Variants in FCRL4 observed in about 807,000 individuals in gnomAD.
FCRL4 encodes Fc receptor like 4, also known as Fc receptor-like protein 4.
FCRL4 carries 43 observed loss-of-function variants against 64.1 expected under a neutral mutation model. That is an observed-to-expected ratio of 0.67 (90% CI 0.53 to 0.87). The LOEUF (loss-of-function observed/expected upper bound fraction) is 0.87. Ranked by LOEUF, FCRL4 falls within the 40% of genes least tolerant of loss-of-function variation. FCRL4 has a pLI of 0.00. For missense variants in FCRL4, 656 were observed against 613.5 expected (o/e 1.07, Z -0.73); for synonymous variants, 253 against 239.8 (o/e 1.05, Z -0.51).
chr1:157,585,993 T>C (rs1384209774), intron 6 of FCRL4, among the ~76,000 whole-genome samples, 175 bp downstream of exon 6: 1 of 152,184 alleles, frequency 6.6e-6, no homozygotes, highest in East Asian at 1.9e-4. Context: ...CTACAGGACC[T>C]TACTCTGACC....
Position 157,598,050 on chromosome 1 carries a change from T to C in FCRL4, c.-106A>G. On this transcript the variant is annotated 5_prime_UTR_variant, in exon 1 of 12. Coordinates refer to ENST00000271532, the MANE Select transcript of FCRL4 (RefSeq NM_031282.3). ...ACACCAGCACCAGCAGTGAGCTCAGTAAGCTTCTTCTCTGCATAAAGCTGA... is the reference window on the plus strand; with the variant it reads ...ACACCAGCACCAGCAGTGAGCTCAGCAAGCTTCTTCTCTGCATAAAGCTGA... 1.3e-6 allele frequency: 1 copy of C among 780,218 alleles called. No homozygotes were observed. The highest frequency in any genetic ancestry group is 2.3e-6 in the Non-Finnish European group (1 of 442,802). The allele number at this position is 780,218 out of a possible 1,614,324, so 48.3% of individuals were successfully genotyped here.
chr1:157,597,882 C>T, intron 1 of FCRL4, 32 bp downstream of exon 1: 1 of 1,604,302 alleles, frequency 6.2e-7, no homozygotes, highest in South Asian at 1.1e-5. Context: ...CTCAGCTTTG[C>T]AGCAAGCAAA....
Position 157,595,476 on chromosome 1 carries a change from G to C in FCRL4, c.52+852C>G, listed in dbSNP as rs540447175. Among the ~76,000 whole-genome samples the C allele has an allele frequency of 7.2e-5, 11 of 152,374 alleles. No homozygotes were observed. In the East Asian group the frequency reaches 2.1e-3, roughly 29 times the overall value. On this transcript the variant is annotated intron_variant, in intron 2 of 11. Coordinates refer to ENST00000271532, the MANE Select transcript of FCRL4 (RefSeq NM_031282.3). ...TATGTGCAGGTGGCCCTATGGCCAG[G>C]AAGGGACATAACTTTTCATGGCCTT...
At chr1:157,582,560 G>A (rs1652585734) in intron 6 of FCRL4, among the ~76,000 whole-genome samples, 1 of 152,148 alleles carries the variant, frequency 6.6e-6, no homozygotes, top group Non-Finnish European at 1.5e-5. Context: ...TCAGACACAG[G>A]TACCACAGAA....
At position 157,574,627 on chromosome 1, in the gene FCRL4, G is replaced by A; in HGVS notation, c.*897C>T. On this transcript the variant is annotated 3_prime_UTR_variant, in exon 12 of 12. Coordinates refer to ENST00000271532, the MANE Select transcript of FCRL4 (RefSeq NM_031282.3). ...AGAAAAGCAACCTTATTTCCTTTGA[G>A]AAGGGAATGGTATTTAGAGAATAAA... 1 of 208,730 alleles carries A rather than the reference G, an allele frequency of 4.8e-6. No homozygotes were observed. The highest frequency in any genetic ancestry group is 9.7e-6 in the Non-Finnish European group (1 of 102,596). 12.9% of individuals were successfully genotyped at this position (208,730 alleles called of 1,614,324 possible).
chr1:157,586,504 G>T (rs1242103240), intron 5 of FCRL4, 49 bp from the exon 6 acceptor site: 23 of 1,538,942 alleles, frequency 1.5e-5, no homozygotes, highest in Non-Finnish European at 1.9e-5. Flanking sequence ...AAGGAGGGCA[G>T]GGCTAGGTAG....
chr1:157,579,918 G>A (rs1260598714), intron 8 of FCRL4, among the ~76,000 whole-genome samples: 1 of 151,326 alleles, frequency 6.6e-6, no homozygotes, highest in African/African-American at 2.5e-5. Flanking sequence ...ATGCGTGTAT[G>A]GTGCAAAAAG....
At position 157,581,455 on chromosome 1, in the gene FCRL4, G is replaced by A. The variant is rs888529485; in HGVS notation, c.1249+76C>T. On this transcript the variant is annotated intron_variant, in intron 7 of 11. Coordinates refer to ENST00000271532, the MANE Select transcript of FCRL4 (RefSeq NM_031282.3). ...GAGACTTGGGAGTGGTGGCCTGGTG[G>A]CCACTAAGGCTGTCTGCATGCTGAG... The A allele has an allele frequency of 8.0e-5, 95 of 1,190,260 alleles. 1 individual carries two copies. In the Middle Eastern group the frequency reaches 3.7e-3, roughly 46 times the overall value. The allele number at this position is 1,190,260 out of a possible 1,614,324, so 73.7% of individuals were successfully genotyped here.
rs2101684562 is a variant in FCRL4 at position 157,589,356 on chromosome 1, G to A, written c.155C>T (p.Thr52Ile). Residue 52 changes from threonine (T) to isoleucine (I), a missense_variant, in exon 3 of 12, where the codon ACA becomes ATA. Thr to Ile is a moderately conservative substitution (Grantham distance 89). Transcript: ENST00000271532. ...LTCNGFQFYA[T>I]EKTTWYHRHY... is the part of the protein sequence containing the mutation. ...CCGATGATACCATGTTGTTTTCTCTGTTGCATAGAACTGAAATCCATTGCA... is the reference window on the plus strand; with the variant it reads ...CCGATGATACCATGTTGTTTTCTCTATTGCATAGAACTGAAATCCATTGCA... The A allele has an allele frequency of 6.2e-7, 1 of 1,614,146 alleles. No homozygotes were observed. Among genetic ancestry groups the A allele is most frequent in the Non-Finnish European group, 8.5e-7 (1 of 1,180,012 alleles).
chr1:157,584,986 G>A (rs1034337022), intron 6 of FCRL4, among the ~76,000 whole-genome samples: 1 of 152,184 alleles, frequency 6.6e-6, no homozygotes, highest in African/African-American at 2.4e-5. Context: ...TCAAGAAGGA[G>A]GGAGGGATCA....
chr1:157,589,244 G>C lies in FCRL4; in HGVS notation c.267C>G (p.Gly89=). 6.2e-7 allele frequency: 1 copy of C among 1,614,192 alleles called. No individual in the cohort carries two copies. The highest frequency in any genetic ancestry group is 2.2e-5 in the East Asian group (1 of 44,882). ...AGCGCACAGGGTTACTTCGTGGGGA[G>C]CCCCGGGCCTGGCATCTGTACAGTC... ...ESGLYRCQAR[G]SPRSNPVRLL... is the part of the protein sequence containing the mutation. Residue 89 remains glycine, a synonymous_variant, in exon 3 of 12, where the codon GGC becomes GGG. Transcript: ENST00000271532.
chr1:157,586,499 G>A, intron 5 of FCRL4, 44 bp from the exon 6 acceptor site: 2 of 1,559,272 alleles, frequency 1.3e-6, no homozygotes, highest in Non-Finnish European at 1.7e-6. Flanking sequence ...GTGTGAAGGA[G>A]GGCAGGGCTA....
chr1:157,577,862 A>T (rs934352982), intron 10 of FCRL4, among the ~76,000 whole-genome samples: 7 of 152,182 alleles, frequency 4.6e-5, no homozygotes, highest in African/African-American at 1.4e-4. Flanking sequence ...GGACCATCTG[A>T]TGTAGAGTCC....
rs61369206 is a variant in FCRL4, at chr1:157,581,385, C to G, written c.1249+146G>C. On this transcript the variant is annotated intron_variant, in intron 7 of 11. Coordinates refer to ENST00000271532, the MANE Select transcript of FCRL4 (RefSeq NM_031282.3). ...GCAAAACTGCCCCTTAAGGAAGGGACGGACGTGAGTGTGTGTGAACGCTGG... is the reference window on the plus strand; with the variant it reads ...GCAAAACTGCCCCTTAAGGAAGGGAGGGACGTGAGTGTGTGTGAACGCTGG... 1,317 of 631,306 alleles carry G rather than the reference C, an allele frequency of 2.1e-3. 15 individuals are homozygous for G. In the African/African-American group the frequency reaches 0.022, roughly 10 times the overall value. The allele number at this position is 631,306 out of a possible 1,614,324, so 39.1% of individuals were successfully genotyped here.
chr1:157,595,321 T>C (rs1652937135), intron 2 of FCRL4, among the ~76,000 whole-genome samples: 1 of 152,212 alleles, frequency 6.6e-6, no homozygotes, highest in Non-Finnish European at 1.5e-5. Flanking sequence ...ACCAGCTATA[T>C]TCCTGGGAAG....
chr1:157,580,705 C>G (rs1652540840), intron 7 of FCRL4, among the ~76,000 whole-genome samples: 1 of 152,192 alleles, frequency 6.6e-6, no homozygotes, highest in Non-Finnish European at 1.5e-5. Flanking sequence ...GAGCACTGGG[C>G]TCTGACTCAG....
At chr1:157,597,204 C>A (rs562729738) in intron 1 of FCRL4, among the ~76,000 whole-genome samples, 1 of 152,138 alleles carries the variant, frequency 6.6e-6, no homozygotes, top group African/African-American at 2.4e-5. Flanking sequence ...CCAAGTATAC[C>A]CATCCACTCA....
intron 6 of FCRL4, among the ~76,000 whole-genome samples, chr1:157,582,859 A>G (rs1447705089): frequency 6.6e-6 from 1 of 152,220 alleles, no homozygotes; most frequent in Non-Finnish European, 1.5e-5. Context: ...AGGCTTGGCC[A>G]CTACATCCTG....
At chr1:157,578,406 G>A (rs1262579486) in intron 10 of FCRL4, 68 bp downstream of exon 10, 1 of 1,290,750 alleles carries the variant, frequency 7.7e-7, no homozygotes, top group Non-Finnish European at 1.1e-6. Context: ...CACATAGGAG[G>A]TGCTCAGTAA....
Sources: allele counts gnomAD v4.1 joint callset (sites outside exome capture counted in the v4.1 genomes callset), GRCh38; gene constraint gnomAD v4.1.1; transcripts MANE v1.5; gene names NCBI Gene and HGNC (gene_info 2026-07-23, HGNC 2026-07-21).